Variants in RAB3C observed in about 807,000 individuals in gnomAD.
RAB3C encodes the protein RAB3C, member RAS oncogene family.
Under a neutral mutation model 26.4 loss-of-function variants are expected in RAB3C, and 17 were observed. The ratio of observed to expected loss-of-function variants is 0.64; its 90% CI spans 0.44 to 0.97. RAB3C has a LOEUF of 0.97. Among genes scored for constraint, RAB3C ranks in the 50% least tolerant of loss-of-function variants. The pLI, the probability that RAB3C is intolerant of heterozygous loss-of-function variation, is 0.00. For synonymous variants in RAB3C, 91 were observed against 95.9 expected (o/e 0.95, Z 0.30); for missense variants, 242 against 281.9 (o/e 0.86, Z 1.01).
At chr5:58,722,348 T>A (rs1479199146) in intron 2 of RAB3C, among the ~76,000 whole-genome samples, 3 of 151,576 alleles carry the variant, frequency 2.0e-5, no homozygotes, top group Non-Finnish European at 4.4e-5. Flanking sequence ...AAGCTGTCTA[T>A]TGTAGTGCAG....
intron 3 of RAB3C, among the ~76,000 whole-genome samples, chr5:58,736,373 A>T (rs1032710730): frequency 7.2e-5 from 11 of 152,168 alleles, no homozygotes; most frequent in Admixed American, 2.6e-4. Context: ...GCATTCTCCA[A>T]CTGCAGGTCC....
chr5:58,617,927 T>A, intron 2 of RAB3C, 57 bp downstream of exon 2: 1 of 1,101,394 alleles, frequency 9.1e-7, no homozygotes, highest in Admixed American at 2.2e-5. Context: ...CATATCCATT[T>A]GTAAGGGAGA....
intron 2 of RAB3C, among the ~76,000 whole-genome samples, chr5:58,674,463 T>C (rs748845491): frequency 1.1e-3 from 174 of 152,358 alleles, no homozygotes; most frequent in Non-Finnish European, 2.1e-3. Context: ...GGAAAGTTTT[T>C]CTTTCTCCTA....
intron 2 of RAB3C, among the ~76,000 whole-genome samples, chr5:58,708,251 A>C (rs1479895738): frequency 1.3e-5 from 2 of 152,110 alleles, no homozygotes; most frequent in African/African-American, 4.8e-5. Flanking sequence ...CGGGCTCCCA[A>C]AGTGCTAGGA....
intron 2 of RAB3C, among the ~76,000 whole-genome samples, chr5:58,636,780 A>G (rs1440077330): frequency 6.6e-6 from 1 of 152,210 alleles, no homozygotes; most frequent in Non-Finnish European, 1.5e-5. Context: ...ATGAGAAGGC[A>G]ATAACAGACC....
At chr5:58,688,766 C>T (rs1449570485) in intron 2 of RAB3C, among the ~76,000 whole-genome samples, 2 of 152,064 alleles carry the variant, frequency 1.3e-5, no homozygotes, top group African/African-American at 2.4e-5. Flanking sequence ...AAAGATATTG[C>T]GTATCTTAGA....
At chr5:58,822,027 G>A (rs1035659725) in intron 3 of RAB3C, among the ~76,000 whole-genome samples, 4 of 151,562 alleles carry the variant, frequency 2.6e-5, no homozygotes, top group East Asian at 3.9e-4. Context: ...ATTTGTTTAC[G>A]TTTCAACATT....
chr5:58,770,017 C>T (rs1480549072), intron 3 of RAB3C, among the ~76,000 whole-genome samples: 5 of 152,106 alleles, frequency 3.3e-5, no homozygotes, highest in Admixed American at 6.5e-5. Flanking sequence ...TTGTAATTAT[C>T]TTTGCTGGGT....
chr5:58,691,118 T>C lies in RAB3C; in HGVS notation c.253-34884T>C, dbSNP rs536566772. On this transcript the variant is annotated intron_variant, in intron 2 of 4. Coordinates refer to ENST00000282878, the MANE Select transcript of RAB3C (RefSeq NM_138453.4). ...CCAGTAAAAAAAAAAAATGGATAAA[T>C]TGCTTTATTTCTTTCAAGCCACTAG... is the stretch of plus-strand genomic sequence containing the variant. Among the ~76,000 whole-genome samples, 31 of 152,138 alleles carry C rather than the reference T, an allele frequency of 2.0e-4. No individual in the cohort carries two copies. In the South Asian group the frequency reaches 5.2e-3, roughly 26 times the overall value.
chr5:58,843,284 A>G (rs1008425086), intron 4 of RAB3C, among the ~76,000 whole-genome samples: 1 of 152,212 alleles, frequency 6.6e-6, no homozygotes, highest in African/African-American at 2.4e-5. Flanking sequence ...GCTCTATTTC[A>G]TATGTATCCT....
intron 2 of RAB3C, among the ~76,000 whole-genome samples, chr5:58,722,368 C>T (rs1413457844): frequency 6.6e-6 from 1 of 150,604 alleles, no homozygotes; most frequent in African/African-American, 2.4e-5. Context: ...GAGAAGGCAG[C>T]AGGCATGGGG....
At position 58,852,502 on chromosome 5, in the gene RAB3C, A is replaced by G. The variant is rs145762721; in HGVS notation, c.*1151A>G. On this transcript the variant is annotated 3_prime_UTR_variant, in exon 5 of 5. Transcript: ENST00000282878. ...ATCATCTTTTTAAGTCCAGATGTTCATAAATTCTAAAGCATATTCCTATTA... is the reference window on the plus strand; with the variant it reads ...ATCATCTTTTTAAGTCCAGATGTTCGTAAATTCTAAAGCATATTCCTATTA... 9.2e-5 allele frequency: 14 copies of G among 152,342 alleles called. No homozygotes were observed. Among genetic ancestry groups the G allele is most frequent in the African/African-American group, 3.4e-4 (14 of 41,582 alleles). The allele number at this position is 152,342 out of a possible 1,614,324, so 9.4% of individuals were successfully genotyped here. A position where few individuals can be genotyped will look rare whatever the true frequency, so the allele number is the denominator to read the frequency against.
intron 3 of RAB3C, among the ~76,000 whole-genome samples, chr5:58,792,329 C>G (rs1742542376): frequency 6.6e-6 from 1 of 152,186 alleles, no homozygotes; most frequent in Admixed American, 6.5e-5. Context: ...CTAACAATAA[C>G]AGCCCTATGG....
intron 2 of RAB3C, among the ~76,000 whole-genome samples, chr5:58,718,871 A>C (rs1219171753): frequency 6.6e-6 from 1 of 152,038 alleles, no homozygotes; most frequent in Non-Finnish European, 1.5e-5. Flanking sequence ...CTAGGGAAAA[A>C]GTTTCCATTT....
rs61291213 is a variant in RAB3C, at chr5:58,693,336, G to GTATATA, written c.253-32645_253-32640dup. On this transcript the variant is annotated intron_variant, in intron 2 of 4. Coordinates refer to ENST00000282878, the MANE Select transcript of RAB3C (RefSeq NM_138453.4). ...AAATTAAGAAATTATATATATATGT[G>GTATATA]TATATATATATATATATATATATAT... 1.7e-3 allele frequency among the ~76,000 whole-genome samples: 188 copies of GTATATA among 111,724 alleles called. 5 individuals carry two copies. The highest frequency in any genetic ancestry group is 5.4e-3 in the African/African-American group (145 of 26,808). The allele number at this position is 111,724 out of a possible 152,430, so 73.3% of individuals were successfully genotyped here.
At chr5:58,590,858 A>G (rs571636206) in intron 1 of RAB3C, among the ~76,000 whole-genome samples, 2 of 152,252 alleles carry the variant, frequency 1.3e-5, no homozygotes, top group Admixed American at 1.3e-4. Flanking sequence ...CACTGATTTT[A>G]AATATTTCTT....
chr5:58,652,693 G>A (rs1227603194), intron 2 of RAB3C, among the ~76,000 whole-genome samples: 4 of 80,028 alleles, frequency 5.0e-5, no homozygotes, highest in Non-Finnish European at 1.1e-4. Context: ...TTTTTATCTT[G>A]ATAAAGGAAA....
chr5:58,809,561 G>T (rs935777573), intron 3 of RAB3C, among the ~76,000 whole-genome samples: 1 of 152,268 alleles, frequency 6.6e-6, no homozygotes, highest in East Asian at 1.9e-4. Context: ...ACTTGAAAAT[G>T]AATGCAGATT....
At chr5:58,785,662 A>C (rs384705) in intron 3 of RAB3C, among the ~76,000 whole-genome samples, 120,259 of 152,140 alleles carry the variant, frequency 0.79, 47,757 homozygotes, top group African/African-American at 0.85. Context: ...TAATGCCTCC[A>C]CACAAGGTGT....
Sources: gnomAD v4.1 joint callset for allele counts (sites outside exome capture counted in the v4.1 genomes callset) on GRCh38, gnomAD v4.1.1 for gene constraint, MANE v1.5 for transcripts, NCBI Gene and HGNC (gene_info 2026-07-23, HGNC 2026-07-21) for gene names.